CDH13: variants seen among roughly 807,000 people sequenced by gnomAD.
CDH13 encodes cadherin-13.
In CDH13, 24 loss-of-function variants were observed where a neutral mutation model predicts 63.8. That is an observed-to-expected ratio of 0.38 (90% CI 0.27 to 0.53). The LOEUF (loss-of-function observed/expected upper bound fraction) is 0.53, where lower values mean the gene tolerates loss of function less well. Ranked by LOEUF, CDH13 falls within the 20% of genes least tolerant of loss-of-function variation. CDH13 has a pLI of 0.85. For synonymous variants in CDH13, 503 were observed against 355.3 expected, an observed-to-expected ratio of 1.42 and a Z score of -4.67; for missense variants, 1,049 against 903.1, an observed-to-expected ratio of 1.16 and a Z score of -2.07.
chr16:83,696,442 T>C (rs76995642), intron 10 of CDH13, among the ~76,000 whole-genome samples: 15,808 of 152,074 alleles, frequency 0.1, 1,061 homozygotes, highest in Non-Finnish European at 0.15. Flanking sequence ...GGGAATCCAA[T>C]AGAGTGAGCA....
chr16:83,499,745 A>G (rs913798721), intron 7 of CDH13, among the ~76,000 whole-genome samples: 2 of 152,034 alleles, frequency 1.3e-5, no homozygotes, highest in African/African-American at 4.8e-5. Flanking sequence ...TGTTATCTGT[A>G]TTTTCTAGTT....
At chr16:83,024,622 C>G (rs1199716692) in intron 2 of CDH13, among the ~76,000 whole-genome samples, 1 of 152,186 alleles carries the variant, frequency 6.6e-6, no homozygotes, top group Non-Finnish European at 1.5e-5. Context: ...CCAAAAGTTC[C>G]TACCTCAAAT....
chr16:83,309,823 T>A (rs1410543378), intron 5 of CDH13, among the ~76,000 whole-genome samples: 1 of 151,834 alleles, frequency 6.6e-6, no homozygotes, highest in Non-Finnish European at 1.5e-5. Flanking sequence ...TTTTTTTTTT[T>A]AACTTTGTCT....
intron 3 of CDH13, among the ~76,000 whole-genome samples, chr16:83,117,525 C>G (rs1023797591): frequency 6.6e-6 from 1 of 152,096 alleles, no homozygotes; most frequent in African/African-American, 2.4e-5. Flanking sequence ...TGTTCTCTTT[C>G]CCTTTCTGTG....
At chr16:82,721,526 C>A (rs143735362) in intron 1 of CDH13, among the ~76,000 whole-genome samples, 1 of 152,060 alleles carries the variant, frequency 6.6e-6, no homozygotes, top group African/African-American at 2.4e-5. Flanking sequence ...TGGAACACTG[C>A]TCACGTAGGC....
chr16:82,786,765 T>C (rs1475008601), intron 1 of CDH13, among the ~76,000 whole-genome samples: 1 of 151,344 alleles, frequency 6.6e-6, no homozygotes, highest in Non-Finnish European at 1.5e-5. Flanking sequence ...TTTGGTTTTC[T>C]GTCCTTGCAA....
intron 3 of CDH13, among the ~76,000 whole-genome samples, chr16:83,091,017 T>C (rs1490887811): frequency 6.6e-6 from 1 of 152,210 alleles, no homozygotes; most frequent in East Asian, 1.9e-4. Context: ...ATTTTTCTAC[T>C]TATTATATAA....
rs148682733 is a variant in CDH13, at chr16:83,453,788, C to G, written c.782-32689C>G. Among the ~76,000 whole-genome samples, 390 of 152,206 alleles carry G rather than the reference C, an allele frequency of 2.6e-3. 11 individuals are homozygous for G. In the East Asian group the frequency reaches 0.058, roughly 23 times the overall value. ...CCATGTATCTGTGAGAGCTGGGACT[C>G]TGCAGATCACTTATTGGTTCACAGC... On this transcript the variant is annotated intron_variant, in intron 6 of 13. Transcript: ENST00000567109.
intron 1 of CDH13, among the ~76,000 whole-genome samples, chr16:82,636,854 TGAGA>T (rs1908717011): frequency 6.6e-6 from 1 of 152,216 alleles, no homozygotes; most frequent in African/African-American, 2.4e-5. Flanking sequence ...TCTGCCAACC[TGAGA>T]GTTTCCTAAA....
At chr16:83,446,515 C>G (rs1281662178) in intron 6 of CDH13, among the ~76,000 whole-genome samples, 2 of 152,014 alleles carry the variant, frequency 1.3e-5, no homozygotes, top group African/African-American at 4.8e-5. Context: ...GAAGAAAGGA[C>G]AGAAAATGAA....
intron 6 of CDH13, among the ~76,000 whole-genome samples, chr16:83,440,105 C>A (rs939529883): frequency 4.6e-5 from 7 of 152,060 alleles, no homozygotes; most frequent in African/African-American, 1.7e-4. Context: ...TTTGCTTGGT[C>A]CCAGTAAGGA....
intron 8 of CDH13, among the ~76,000 whole-genome samples, chr16:83,661,389 A>G (rs1421020932): frequency 6.6e-6 from 1 of 152,032 alleles, no homozygotes; most frequent in Non-Finnish European, 1.5e-5. Flanking sequence ...ATGCTGAGGC[A>G]CAAGGATCAC....
intron 1 of CDH13, among the ~76,000 whole-genome samples, chr16:82,772,847 G>A (rs1343693835): frequency 6.6e-6 from 1 of 152,174 alleles, no homozygotes; most frequent in East Asian, 1.9e-4. Context: ...GAATAACTTT[G>A]ACAGAATAGG....
chr16:83,261,209 C>G (rs901081096), intron 5 of CDH13, among the ~76,000 whole-genome samples: 4 of 152,082 alleles, frequency 2.6e-5, no homozygotes, highest in African/African-American at 9.7e-5. Context: ...GCAGATACAG[C>G]CACAGCACAT....
At chr16:82,852,873 T>A (rs557750276) in intron 1 of CDH13, among the ~76,000 whole-genome samples, 3 of 152,138 alleles carry the variant, frequency 2.0e-5, no homozygotes, top group African/African-American at 7.2e-5. Flanking sequence ...ATGCTGCCAG[T>A]TGGCAACCTA....
At chr16:83,049,490 A>G (rs2030044973) in intron 3 of CDH13, among the ~76,000 whole-genome samples, 1 of 151,800 alleles carries the variant, frequency 6.6e-6, no homozygotes, top group African/African-American at 2.4e-5. Flanking sequence ...GCCCACCACC[A>G]CACCCAGCTA....
chr16:83,176,963 G>A (rs1187628193), intron 4 of CDH13, among the ~76,000 whole-genome samples: 1 of 152,054 alleles, frequency 6.6e-6, no homozygotes, highest in African/African-American at 2.4e-5. Flanking sequence ...CAACTAGAAA[G>A]TTTTTACCCC....
chr16:82,892,341 C>T (rs909802596), intron 2 of CDH13, among the ~76,000 whole-genome samples: 1 of 152,194 alleles, frequency 6.6e-6, no homozygotes, highest in Non-Finnish European at 1.5e-5. Context: ...ACACTCTAGT[C>T]TTACGCAGCT....
chr16:83,066,056 G>C (rs1029244918), intron 3 of CDH13, among the ~76,000 whole-genome samples: 1 of 152,202 alleles, frequency 6.6e-6, no homozygotes, highest in African/African-American at 2.4e-5. Flanking sequence ...AGCTGTAAAG[G>C]AAAATACTCA....
Sources: gnomAD v4.1 joint callset for allele counts (sites outside exome capture counted in the v4.1 genomes callset) on GRCh38, gnomAD v4.1.1 for gene constraint, MANE v1.5 for transcripts, NCBI Gene and HGNC (gene_info 2026-07-23, HGNC 2026-07-21) for gene names.